STK24: variants seen among roughly 807,000 people sequenced by gnomAD.
The protein encoded by STK24 is serine/threonine-protein kinase 24.
STK24 carries 21 observed loss-of-function variants against 55.6 expected under a neutral mutation model. The ratio of observed to expected loss-of-function variants is 0.38; its 90% confidence interval spans 0.27 to 0.54. The LOEUF (loss-of-function observed/expected upper bound fraction) is 0.54, where lower values mean the gene tolerates loss of function less well. STK24 is among the 20% of genes least tolerant of loss of function. The pLI is 0.79. For synonymous variants in STK24, 200 were observed against 215.2 expected (o/e 0.93, Z 0.62); for missense variants, 383 against 538.4 (o/e 0.71, Z 2.86).
At chr13:98,569,388 C>T (rs138698255) in intron 1 of STK24, among the ~76,000 whole-genome samples, 61 of 144,000 alleles carry the variant, frequency 4.2e-4, no homozygotes, top group East Asian at 6.1e-4. Context: ...ATGGCATAAA[C>T]CAAGAAAGAA....
chr13:98,471,593 A>G lies in STK24; in HGVS notation c.597+3228T>C, dbSNP rs1332104796. The stretch of plus-strand genomic sequence containing the variant: ...TGGGCAATCAGGACTTAGTAATGTC[A>G]TGCTTAGGTTAAGACTGACATAAGA... On this transcript the variant is annotated intron_variant, in intron 5 of 10. Coordinates refer to ENST00000539966, the MANE Select transcript of STK24 (RefSeq NM_001032296.4). Among the ~76,000 whole-genome samples, 4 of 152,342 alleles carry G rather than the reference A, an allele frequency of 2.6e-5. No homozygotes were observed. The East Asian group carries it at 7.7e-4, about 29-fold the overall frequency.
intron 1 of STK24, among the ~76,000 whole-genome samples, chr13:98,575,430 T>TAC (rs1555314276): frequency 7.9e-6 from 1 of 126,680 alleles, no homozygotes; most frequent in Non-Finnish European, 1.8e-5. Flanking sequence ...CACACACACA[T>TAC]ATACACACAC....
At chr13:98,472,481 G>C (rs1212028418) in intron 5 of STK24, among the ~76,000 whole-genome samples, 1 of 152,162 alleles carries the variant, frequency 6.6e-6, no homozygotes, top group African/African-American at 2.4e-5. Flanking sequence ...ACATGGCCCT[G>C]TCTCCTTTTT....
chr13:98,464,233 TG>T (rs1197487885), intron 6 of STK24, among the ~76,000 whole-genome samples: 2 of 151,742 alleles, frequency 1.3e-5, no homozygotes, highest in African/African-American at 4.8e-5. Context: ...CTGGCTAACA[TG>T]GTGAAACCCC....
chr13:98,455,263 T>G (rs1893398332), intron 10 of STK24: 1 of 152,234 alleles, frequency 6.6e-6, no homozygotes, highest in East Asian at 1.9e-4. Context: ...GTTTGGTTTT[T>G]AGAGACAGGT....
rs181810162 is a variant in STK24 at position 98,507,482 on chromosome 13, C to A, written c.273+11761G>T. ...AAGGAAATCACTCAGCTTCTCTGGG[C>A]CATGGTTTTCTAGCCTAGAGAAAGA... On this transcript the variant is annotated intron_variant, in intron 2 of 10. Transcript: ENST00000539966. Among the ~76,000 whole-genome samples, 198 of 152,266 alleles carry A rather than the reference C, an allele frequency of 1.3e-3. 3 individuals are homozygous for A. In the South Asian group the frequency reaches 0.016, roughly 12 times the overall value.
At chr13:98,491,027 G>C (rs887104611) in intron 2 of STK24, among the ~76,000 whole-genome samples, 9 of 152,196 alleles carry the variant, frequency 5.9e-5, no homozygotes, top group African/African-American at 2.2e-4. Context: ...GGAGCTGTCA[G>C]GCTAGGGTGG....
intron 1 of STK24, among the ~76,000 whole-genome samples, chr13:98,529,774 G>A (rs746048545): frequency 7.9e-5 from 12 of 152,198 alleles, no homozygotes; most frequent in South Asian, 2.1e-4. Flanking sequence ...CTTCCAGAAC[G>A]AGCATTCAGC....
At chr13:98,529,612 A>G (rs969268715) in intron 1 of STK24, among the ~76,000 whole-genome samples, 3 of 152,164 alleles carry the variant, frequency 2.0e-5, no homozygotes, top group Non-Finnish European at 4.4e-5. Flanking sequence ...CCCTTTATAG[A>G]AAATTCTCAA....
chr13:98,488,289 C>G (rs1894885032), intron 2 of STK24, among the ~76,000 whole-genome samples: 1 of 152,088 alleles, frequency 6.6e-6, no homozygotes, highest in African/African-American at 2.4e-5. Context: ...ACCCTACCAA[C>G]ATCTTTCCAG....
Position 98,447,172 on chromosome 13 carries a change from A to ACAGT in STK24, c.*5997_*6000dup. ...TTCATTTAGCCAAGAAAGAAATGCAACAGTCAGGCCTAAGACTGTTCCTGC... is the reference window on the plus strand; with the variant it reads ...TTCATTTAGCCAAGAAAGAAATGCAACAGTCAGTCAGGCCTAAGACTGTTCCTGC... On this transcript the variant is annotated 3_prime_UTR_variant, in exon 11 of 11. Transcript: ENST00000539966. The ACAGT allele has an allele frequency of 4.8e-6, 1 of 210,132 alleles. No homozygotes were observed. The highest frequency in any genetic ancestry group is 8.6e-5 in the South Asian group (1 of 11,576). The allele number at this position is 210,132 out of a possible 1,614,324, so 13.0% of individuals were successfully genotyped here. A position where few individuals can be genotyped will look rare whatever the true frequency, so the allele number is the denominator to read the frequency against.
intron 2 of STK24, among the ~76,000 whole-genome samples, chr13:98,495,450 T>C (rs576117127): frequency 1.3e-5 from 2 of 152,354 alleles, no homozygotes; most frequent in South Asian, 4.1e-4. Context: ...AATGTGCATA[T>C]TGAGACAAAA....
At chr13:98,570,021 C>T (rs532569162) in intron 1 of STK24, among the ~76,000 whole-genome samples, 77 of 151,966 alleles carry the variant, frequency 5.1e-4, no homozygotes, top group African/African-American at 1.6e-3. Context: ...GGAATACATG[C>T]GCCCACCACC....
intron 10 of STK24, chr13:98,453,703 T>A (rs1893313605): frequency 6.5e-6 from 1 of 153,304 alleles, no homozygotes; most frequent in African/African-American, 2.4e-5. Flanking sequence ...CTCTCGGGAT[T>A]TTCGTAATTA....
intron 2 of STK24, among the ~76,000 whole-genome samples, chr13:98,487,934 C>G (rs1461684360): frequency 1.3e-5 from 2 of 152,038 alleles, no homozygotes; most frequent in South Asian, 2.1e-4. Flanking sequence ...TGCTAATTTC[C>G]CCCTTTCCCA....
intron 2 of STK24, among the ~76,000 whole-genome samples, chr13:98,517,443 T>C (rs986845873): frequency 6.6e-6 from 1 of 152,096 alleles, no homozygotes; most frequent in African/African-American, 2.4e-5. Context: ...CTGGACAACA[T>C]GGTGAAACCC....
Position 98,469,534 on chromosome 13 carries a change from T to TAC in STK24, c.598-2974_598-2973insGT, listed in dbSNP as rs768326491. ...CTGGGTGACAGAGCAAGACCCTGCA[T>TAC]CCCCCCCCCCAAAAAAAAAAGGCGG... is the stretch of plus-strand genomic sequence containing the variant. On this transcript the variant is annotated intron_variant, in intron 5 of 10. Transcript: ENST00000539966. Among the ~76,000 whole-genome samples the TAC allele has an allele frequency of 5.2e-3, 654 of 126,384 alleles. 3 individuals are homozygous for TAC. Among genetic ancestry groups the TAC allele is most frequent in the Non-Finnish European group, 7.1e-3 (402 of 56,622 alleles). The allele number at this position is 126,384 out of a possible 152,430, so 82.9% of individuals were successfully genotyped here. A position where few individuals can be genotyped will look rare whatever the true frequency, so the allele number is the denominator to read the frequency against.
intron 2 of STK24, among the ~76,000 whole-genome samples, chr13:98,517,706 CTG>C (rs990139313): frequency 1.3e-5 from 2 of 152,190 alleles, no homozygotes; most frequent in Non-Finnish European, 2.9e-5. Context: ...TTCGTTTTTG[CTG>C]TGTCAAGACC....
chr13:98,527,701 G>A (rs1429609330), intron 1 of STK24, among the ~76,000 whole-genome samples: 7 of 152,204 alleles, frequency 4.6e-5, no homozygotes, highest in African/African-American at 1.2e-4. Context: ...CAGAGGACAC[G>A]GGACCAGGAC....
Sources: allele counts gnomAD v4.1 joint callset (sites outside exome capture counted in the v4.1 genomes callset), GRCh38; gene constraint gnomAD v4.1.1; transcripts MANE v1.5; gene names NCBI Gene and HGNC (gene_info 2026-07-23, HGNC 2026-07-21).